The following ARIH2 variants were observed in gnomAD, a reference collection of about 807,000 sequenced individuals.
ARIH2 encodes E3 ubiquitin-protein ligase ARIH2.
ARIH2 carries 12 observed loss-of-function variants against 79.8 expected under a neutral mutation model. That is an observed-to-expected ratio of 0.15 (90% CI 0.10 to 0.24). The LOEUF (loss-of-function observed/expected upper bound fraction) is 0.24. Among genes scored for constraint, ARIH2 ranks in the 10% least tolerant of loss-of-function variants. ARIH2 has a pLI of 1.00. For synonymous variants in ARIH2, 224 were observed against 213.9 expected, an observed-to-expected ratio of 1.05 and a Z score of -0.41; for missense variants, 301 against 618.3, an observed-to-expected ratio of 0.49 and a Z score of 5.44.
In ARIH2 at chr3:48,974,641, C is replaced by G. The variant is rs1188688496; in HGVS notation, c.889-176C>G. ...ATTTCAAAGCTAAATGTGCTGACCT[C>G]ATTTCCTTGAATTGCTGTTCCAGCC... On this transcript the variant is annotated intron_variant, in intron 9 of 15. Coordinates refer to ENST00000356401, the MANE Select transcript of ARIH2 (RefSeq NM_006321.4). 6.1e-6 allele frequency: 4 copies of G among 657,438 alleles called. No homozygotes were observed. In the East Asian group the frequency reaches 1.1e-4, roughly 18 times the overall value. The allele number at this position is 657,438 out of a possible 1,614,324, so 40.7% of individuals were successfully genotyped here.
chr3:48,946,977 A>G (rs1489907294), intron 3 of ARIH2, among the ~76,000 whole-genome samples: 1 of 152,174 alleles, frequency 6.6e-6, no homozygotes, highest in Non-Finnish European at 1.5e-5. Flanking sequence ...TTTGGGGCTT[A>G]TGTTCATACT....
At chr3:48,947,641 G>A (rs552587940) in intron 3 of ARIH2, among the ~76,000 whole-genome samples, 28 of 152,172 alleles carry the variant, frequency 1.8e-4, no homozygotes, top group Non-Finnish European at 3.4e-4. Flanking sequence ...AAAAGTCAAA[G>A]TATACTGTTT....
chr3:48,934,736 G>T, intron 3 of ARIH2: 1 of 985,414 alleles, frequency 1.0e-6, no homozygotes, highest in Non-Finnish European at 1.2e-6. Context: ...ATTGAGAATG[G>T]CCTAAATACA....
intron 3 of ARIH2, among the ~76,000 whole-genome samples, chr3:48,945,937 T>A (rs2089063691): frequency 6.6e-6 from 1 of 152,202 alleles, no homozygotes; most frequent in South Asian, 2.1e-4. Context: ...CGTCTCCTTG[T>A]AGCAAGCGGG....
intron 8 of ARIH2, among the ~76,000 whole-genome samples, chr3:48,972,776 C>G (rs1033129804): frequency 6.6e-6 from 1 of 151,860 alleles, no homozygotes; most frequent in African/African-American, 2.4e-5. Context: ...TACAGTGATG[C>G]GAACACAGCT....
At chr3:48,980,677 T>A (rs903203035) in intron 13 of ARIH2, among the ~76,000 whole-genome samples, 181 bp downstream of exon 13, 1 of 152,014 alleles carries the variant, frequency 6.6e-6, no homozygotes, top group Non-Finnish European at 1.5e-5. Context: ...AGTCCTCTGA[T>A]GGATGTCCAG....
At chr3:48,933,372 A>C (rs149368952) in intron 3 of ARIH2, among the ~76,000 whole-genome samples, 1 of 151,208 alleles carries the variant, frequency 6.6e-6, no homozygotes, top group Admixed American at 6.6e-5. Context: ...CATGTTACCC[A>C]GGCTGGTCTC....
At chr3:48,974,581 G>A in intron 9 of ARIH2, 5 of 578,664 alleles carry the variant, frequency 8.6e-6, no homozygotes, top group Non-Finnish European at 1.2e-5. Context: ...GGCAGATGGT[G>A]GAAGACTTAG....
chr3:48,971,038 C>T (rs968405861), intron 8 of ARIH2, among the ~76,000 whole-genome samples: 1 of 152,194 alleles, frequency 6.6e-6, no homozygotes, highest in African/African-American at 2.4e-5. Flanking sequence ...TAAACTTGAA[C>T]ATTTTAATCT....
chr3:48,979,360 C>CT (rs2092671012), intron 11 of ARIH2, 122 bp from the exon 12 acceptor site: 1 of 1,015,620 alleles, frequency 9.8e-7, no homozygotes, highest in Non-Finnish European at 1.4e-6. Flanking sequence ...AAGAGGCACC[C>CT]TTGGGAAGTT....
intron 3 of ARIH2, among the ~76,000 whole-genome samples, chr3:48,957,841 G>A (rs553708874): frequency 2.0e-4 from 30 of 152,096 alleles, no homozygotes; most frequent in Non-Finnish European, 3.5e-4. Context: ...TCAACTTCCC[G>A]AGTAGCTGGG....
intron 3 of ARIH2, among the ~76,000 whole-genome samples, chr3:48,941,718 G>C (rs1426868907): frequency 6.7e-6 from 1 of 150,208 alleles, no homozygotes; most frequent in African/African-American, 2.4e-5. Flanking sequence ...TCAGCTTCCC[G>C]AGTAGCTGGG....
intron 3 of ARIH2, among the ~76,000 whole-genome samples, chr3:48,942,137 G>A (rs2088381852): frequency 6.7e-6 from 1 of 149,908 alleles, no homozygotes; most frequent in Non-Finnish European, 1.5e-5. Flanking sequence ...TGCAACCTCT[G>A]CCTCCTGAGT....
At chr3:48,919,936 T>G (rs1055748644) in intron 1 of ARIH2, among the ~76,000 whole-genome samples, 4 of 152,228 alleles carry the variant, frequency 2.6e-5, no homozygotes, top group Admixed American at 6.5e-5. Context: ...TGGTTGGTTG[T>G]TAGGTCCCCT....
intron 14 of ARIH2, 80 bp from the exon 15 acceptor site, chr3:48,982,816 G>A (rs1379950073): frequency 7.1e-6 from 7 of 979,120 alleles, no homozygotes; most frequent in South Asian, 5.2e-5. Flanking sequence ...CTGAGGTGCT[G>A]CATGTGCCCA....
In ARIH2 at chr3:48,979,469, C is replaced by G; in HGVS notation, c.962-13C>G. On this transcript the variant is annotated splice_polypyrimidine_tract_variant and intron_variant, in intron 11 of 15. Transcript: ENST00000356401. ...CTTGTAGATGTAAATGACTCTTCCT[C>G]TGTTCTGCACAGACTTCTGCTGGAT... 1.2e-6 allele frequency: 2 copies of G among 1,610,940 alleles called. No individual in the cohort carries two copies. Among genetic ancestry groups the G allele is most frequent in the African/African-American group, 1.3e-5 (1 of 74,944 alleles).
intron 6 of ARIH2, among the ~76,000 whole-genome samples, chr3:48,967,857 A>G (rs895240206): frequency 6.6e-6 from 1 of 152,300 alleles, no homozygotes; most frequent in Non-Finnish European, 1.5e-5. Context: ...ATTTGGGATA[A>G]TATTTTAGTT....
intron 8 of ARIH2, 21 bp downstream of exon 8, chr3:48,970,725 T>A (rs1343872190): frequency 1.3e-6 from 2 of 1,578,584 alleles, no homozygotes; most frequent in Admixed American, 3.3e-5. Flanking sequence ...GTGTGAGTGC[T>A]GAGCAGCCCT....
chr3:48,959,843 C>T (rs1279540944), intron 3 of ARIH2, among the ~76,000 whole-genome samples: 1 of 152,132 alleles, frequency 6.6e-6, no homozygotes, highest in Non-Finnish European at 1.5e-5. Flanking sequence ...TAGCCTTTGA[C>T]ACTCATTATA....
Sources: allele counts gnomAD v4.1 joint callset (sites outside exome capture counted in the v4.1 genomes callset), GRCh38; gene constraint gnomAD v4.1.1; transcripts MANE v1.5; gene names NCBI Gene and HGNC (gene_info 2026-07-23, HGNC 2026-07-21).